CXADR: variants seen among roughly 807,000 people sequenced by gnomAD.
CXADR encodes coxsackievirus and adenovirus receptor.
Under a neutral mutation model 40.3 loss-of-function variants are expected in CXADR, and 20 were observed. The observed-to-expected ratio is 0.50, with a 90% CI of 0.35 to 0.72. The LOEUF is 0.72. CXADR is among the 30% of genes least tolerant of loss of function. The pLI, the probability that CXADR is intolerant of heterozygous loss-of-function variation, is 0.01. For synonymous variants in CXADR, 150 were observed against 161.3 expected, an observed-to-expected ratio of 0.93 and a Z score of 0.53; for missense variants, 332 against 449.1, an observed-to-expected ratio of 0.74 and a Z score of 2.36.
chr21:17,627,928 A>C, the CXADR span, among the ~76,000 whole-genome samples: 3 of 152,198 alleles, frequency 2.0e-5, no homozygotes, highest in East Asian at 5.8e-4. Flanking sequence ...CTAGTTCAGT[A>C]GTTTCTTTCT....
the CXADR span, chr21:17,609,082 C>T: frequency 6.2e-7 from 1 of 1,614,032 alleles, no homozygotes; most frequent in Non-Finnish European, 8.5e-7. Flanking sequence ...CTTTTTTCAA[C>T]TTATCATGTT....
intron 3 of CXADR, among the ~76,000 whole-genome samples, chr21:17,555,569 C>T (rs375655394): frequency 9.9e-5 from 15 of 152,184 alleles, no homozygotes; most frequent in South Asian, 6.2e-4. Flanking sequence ...TACTGTTTTC[C>T]GGTAATGTCC....
At chr21:17,575,715 G>A (rs915461379) in intron 7 of CXADR, among the ~76,000 whole-genome samples, 2 of 150,626 alleles carry the variant, frequency 1.3e-5, no homozygotes, top group Admixed American at 1.3e-4. Flanking sequence ...GGATGGTCTT[G>A]ATCTCCTGAC....
downstream of CXADR, among the ~76,000 whole-genome samples, chr21:17,572,207 C>CAAAAA (rs71333561): frequency 7.1e-6 from 1 of 141,328 alleles, no homozygotes; most frequent in East Asian, 2.1e-4. Context: ...ACTAAAAATA[C>CAAAAA]AAAAAAAAAA....
chr21:17,599,311 G>C, the CXADR span, among the ~76,000 whole-genome samples: 1 of 151,406 alleles, frequency 6.6e-6, no homozygotes, highest in Admixed American at 6.6e-5. Flanking sequence ...CTCCCAAGAG[G>C]CTGGGACTAC....
intron 4 of CXADR, among the ~76,000 whole-genome samples, chr21:17,559,356 T>TAA (rs34059597): frequency 4.0e-5 from 6 of 150,744 alleles, no homozygotes; most frequent in East Asian, 2.0e-4. Context: ...ATTTTTTTTT[T>TAA]AAAAAATGTG....
chr21:17,598,704 T>C, the CXADR span: 13 of 1,614,042 alleles, frequency 8.1e-6, no homozygotes, highest in East Asian at 2.2e-5. Context: ...AAGAGGATCC[T>C]GAATGATAAT....
intron 1 of CXADR, among the ~76,000 whole-genome samples, chr21:17,527,843 G>T (rs963582988): frequency 4.7e-5 from 7 of 150,416 alleles, no homozygotes; most frequent in Admixed American, 3.3e-4. Flanking sequence ...ACGGAATCTC[G>T]CTCTGTCGCC....
chr21:17,593,430 T>C (rs1267001571), exon 8 of CXADR: 1 of 307,954 alleles, frequency 3.2e-6, no homozygotes, highest in Non-Finnish European at 6.0e-6. Flanking sequence ...AGTTAAAAGA[T>C]GTTTTATTAT....
the CXADR span, among the ~76,000 whole-genome samples, chr21:17,605,332 A>G: frequency 6.6e-6 from 1 of 152,222 alleles, no homozygotes; most frequent in African/African-American, 2.4e-5. Flanking sequence ...AAAAGTTTCT[A>G]TAGGCCAAGT....
At chr21:17,545,633 T>C (rs544982851) in intron 1 of CXADR, among the ~76,000 whole-genome samples, 32 of 152,196 alleles carry the variant, frequency 2.1e-4, no homozygotes, top group African/African-American at 7.7e-4. Flanking sequence ...GGTTTCACCA[T>C]GTTGGTGAAA....
intron 7 of CXADR, among the ~76,000 whole-genome samples, chr21:17,575,674 T>C (rs2061316893): frequency 6.6e-6 from 1 of 151,286 alleles, no homozygotes; most frequent in South Asian, 2.1e-4. Context: ...TTTATATTTT[T>C]AGTAGAGACA....
chr21:17,615,207 T>C, the CXADR span, among the ~76,000 whole-genome samples: 3 of 152,102 alleles, frequency 2.0e-5, no homozygotes, highest in Non-Finnish European at 2.9e-5. Context: ...AGTGAGGATA[T>C]AGGGAGAAGA....
the CXADR span, chr21:17,605,128 C>T: frequency 1.1e-5 from 11 of 1,022,572 alleles, no homozygotes; most frequent in Non-Finnish European, 1.5e-5. Context: ...AACCTAGGAG[C>T]ATATCTATCC....
chr21:17,555,533 C>T (rs929931997), intron 3 of CXADR, among the ~76,000 whole-genome samples: 1 of 152,154 alleles, frequency 6.6e-6, no homozygotes, highest in Admixed American at 6.5e-5. Flanking sequence ...ATACTATTAA[C>T]TAAATTACAG....
the CXADR span, among the ~76,000 whole-genome samples, chr21:17,614,519 G>T: frequency 6.6e-6 from 1 of 152,124 alleles, no homozygotes; most frequent in African/African-American, 2.4e-5. Context: ...AAGGAGAGAG[G>T]ATCATTTGAC....
the CXADR span, among the ~76,000 whole-genome samples, chr21:17,633,487 G>A: frequency 1.3e-5 from 2 of 152,124 alleles, no homozygotes; most frequent in African/African-American, 2.4e-5. Flanking sequence ...TGAGCTGGGC[G>A]GAGGCTGCAG....
the CXADR span, chr21:17,605,198 T>G: frequency 1.9e-6 from 1 of 529,184 alleles, no homozygotes; most frequent in Admixed American, 3.6e-5. Context: ...AGATGGCACC[T>G]ATGTGAGCCC....
At chr21:17,530,755 G>A (rs79911050) in intron 1 of CXADR, among the ~76,000 whole-genome samples, 20,491 of 151,882 alleles carry the variant, frequency 0.13, 1,561 homozygotes, top group African/African-American at 0.21. Context: ...CAGAGGTTGC[G>A]GTGAGCCGAG....
Sources: allele counts gnomAD v4.1 joint callset (sites outside exome capture counted in the v4.1 genomes callset), GRCh38; gene constraint gnomAD v4.1.1; transcripts MANE v1.5; gene names NCBI Gene and HGNC (gene_info 2026-07-23, HGNC 2026-07-21).